The following CACNA2D3 variants were observed in gnomAD, a reference collection of about 807,000 sequenced individuals.
CACNA2D3 encodes calcium voltage-gated channel auxiliary subunit alpha2delta 3.
In CACNA2D3, 60 loss-of-function variants were observed where a neutral mutation model predicts 160.6. The ratio of observed to expected loss-of-function variants is 0.37; its 90% CI spans 0.30 to 0.46. The LOEUF is 0.46. Ranked by LOEUF, CACNA2D3 falls within the 20% of genes least tolerant of loss-of-function variation. CACNA2D3 has a pLI of 1.00. For missense variants in CACNA2D3, 1,205 were observed against 1,365.0 expected (o/e 0.88, Z 1.85); for synonymous variants, 558 against 492.9 (o/e 1.13, Z -1.75).
intron 2 of CACNA2D3, among the ~76,000 whole-genome samples, chr3:54,276,588 A>AAAAG (rs1553775461): frequency 1.1e-4 from 14 of 127,812 alleles, no homozygotes; most frequent in African/African-American, 3.6e-4. Context: ...AAAAAAAAAA[A>AAAAG]AAGAAGAAGA....
chr3:54,729,246 A>G (rs1017159093), intron 11 of CACNA2D3, among the ~76,000 whole-genome samples: 1 of 152,132 alleles, frequency 6.6e-6, no homozygotes, highest in African/African-American at 2.4e-5. Context: ...TTAATTGGCA[A>G]ATGCTATGAG....
intron 35 of CACNA2D3, among the ~76,000 whole-genome samples, chr3:55,039,858 A>G (rs1703920166): frequency 6.6e-6 from 1 of 152,218 alleles, no homozygotes; most frequent in Non-Finnish European, 1.5e-5. Context: ...GAGACAATAA[A>G]TCAAGTGCTC....
At chr3:54,883,568 A>G (rs1328687678) in intron 21 of CACNA2D3, among the ~76,000 whole-genome samples, 2 of 152,276 alleles carry the variant, frequency 1.3e-5, no homozygotes, top group East Asian at 3.9e-4. Context: ...CCTGTGAAAT[A>G]GAGCCAGAGA....
intron 4 of CACNA2D3, among the ~76,000 whole-genome samples, chr3:54,433,595 T>C (rs960381246): frequency 2.0e-5 from 3 of 152,170 alleles, no homozygotes; most frequent in Admixed American, 6.5e-5. Flanking sequence ...TAAAAACATT[T>C]AGATATCACA....
chr3:54,805,471 C>A (rs1481273946), intron 13 of CACNA2D3, among the ~76,000 whole-genome samples: 1 of 152,110 alleles, frequency 6.6e-6, no homozygotes, highest in Non-Finnish European at 1.5e-5. Flanking sequence ...ATAAATTCCT[C>A]AACACATACA....
intron 9 of CACNA2D3, among the ~76,000 whole-genome samples, chr3:54,601,850 T>G (rs1703065513): frequency 6.6e-6 from 1 of 152,082 alleles, no homozygotes; most frequent in Non-Finnish European, 1.5e-5. Flanking sequence ...CTAAACATGT[T>G]TATTTTTTGC....
rs147133131 is a variant in CACNA2D3, at chr3:54,694,342, T to A, written c.1167+52101T>A. Among the ~76,000 whole-genome samples the A allele has an allele frequency of 2.8e-4, 43 of 152,360 alleles. No individual in the cohort carries two copies. In the East Asian group the frequency reaches 6.2e-3, roughly 22 times the overall value. On this transcript the variant is annotated intron_variant, in intron 11 of 37. Transcript: ENST00000474759. ...GGCTATGCTATGTACACACTCTAGGTGTGTGTAAATACACTCTATGGTGTT... is the reference window on the plus strand; with the variant it reads ...GGCTATGCTATGTACACACTCTAGGAGTGTGTAAATACACTCTATGGTGTT...
chr3:54,279,299 A>G (rs761511320), intron 2 of CACNA2D3, among the ~76,000 whole-genome samples: 1 of 151,978 alleles, frequency 6.6e-6, no homozygotes, highest in Admixed American at 6.6e-5. Context: ...CCTTTCTACC[A>G]CTCATGGCTG....
chr3:54,622,491 G>A (rs780688587), intron 9 of CACNA2D3, among the ~76,000 whole-genome samples: 1 of 152,048 alleles, frequency 6.6e-6, no homozygotes, highest in Non-Finnish European at 1.5e-5. Context: ...TAGCCAGGAC[G>A]GTTGCGATCT....
chr3:54,253,610 G>A (rs1467954229), intron 2 of CACNA2D3, among the ~76,000 whole-genome samples: 1 of 152,110 alleles, frequency 6.6e-6, no homozygotes, highest in Non-Finnish European at 1.5e-5. Flanking sequence ...TGAGATTTGG[G>A]TGGGACACAG....
rs140051282 is a variant in CACNA2D3, at chr3:54,464,562, G to T, written c.382-38930G>T. 3.9e-3 allele frequency among the ~76,000 whole-genome samples: 590 copies of T among 152,282 alleles called. 4 individuals are homozygous for T. Among genetic ancestry groups the T allele is most frequent in the African/African-American group, 0.013 (557 of 41,588 alleles). ...TAGCAATCAGCAAGACTCCGTGGGCGTAGGACCCTCCGAGCCAAGTGCGGG... is the reference window on the plus strand; with the variant it reads ...TAGCAATCAGCAAGACTCCGTGGGCTTAGGACCCTCCGAGCCAAGTGCGGG... On this transcript the variant is annotated intron_variant, in intron 4 of 37. Transcript: ENST00000474759.
intron 11 of CACNA2D3, among the ~76,000 whole-genome samples, chr3:54,714,116 GTCT>G: frequency 6.6e-6 from 1 of 152,060 alleles, no homozygotes; most frequent in East Asian, 1.9e-4. Flanking sequence ...GTTATATCTT[GTCT>G]TGGGTTGTTT....
At chr3:54,603,192 G>C (rs970603235) in intron 9 of CACNA2D3, among the ~76,000 whole-genome samples, 1 of 152,206 alleles carries the variant, frequency 6.6e-6, no homozygotes, top group Non-Finnish European at 1.5e-5. Flanking sequence ...GGCGCTGGCC[G>C]TGCAGCCCGC....
chr3:54,497,034 A>C (rs2106932903), intron 4 of CACNA2D3, among the ~76,000 whole-genome samples: 1 of 152,296 alleles, frequency 6.6e-6, no homozygotes, highest in Admixed American at 6.5e-5. Context: ...GCCCAAAATC[A>C]GAAAATGTGA....
chr3:54,569,732 T>A (rs1263167871), intron 6 of CACNA2D3, 63 bp from the exon 7 acceptor site: 1 of 1,335,622 alleles, frequency 7.5e-7, no homozygotes, highest in Non-Finnish European at 1.1e-6. Context: ...TAGAGCAGCC[T>A]TGAAATGCTA....
chr3:54,202,403 A>G (rs1576995606), intron 2 of CACNA2D3, among the ~76,000 whole-genome samples: 2 of 152,340 alleles, frequency 1.3e-5, no homozygotes, highest in South Asian at 2.1e-4. Flanking sequence ...ATCCAGCCCC[A>G]AGTCCCAGTT....
At chr3:54,902,077 G>A (rs967459930) in intron 27 of CACNA2D3, among the ~76,000 whole-genome samples, 3 of 152,220 alleles carry the variant, frequency 2.0e-5, no homozygotes, top group Non-Finnish European at 2.9e-5. Flanking sequence ...TCTCCCATCA[G>A]TGTGCCCCAA....
intron 2 of CACNA2D3, among the ~76,000 whole-genome samples, chr3:54,228,128 C>T (rs546713198): frequency 5.1e-4 from 78 of 152,268 alleles, no homozygotes; most frequent in African/African-American, 1.8e-3. Flanking sequence ...TGCCTTGTAG[C>T]TTAGACACTA....
rs146625409 is a variant in CACNA2D3 at position 54,276,386 on chromosome 3, C to T, written c.205-44056C>T. Among the ~76,000 whole-genome samples the T allele has an allele frequency of 9.8e-3, 1,495 of 152,092 alleles. 32 individuals are homozygous for T. Among genetic ancestry groups the T allele is most frequent in the African/African-American group, 0.034 (1,429 of 41,494 alleles). ...GAGTTCAAGACCAGCCTGGCCACCA[C>T]GGCGAAACCCTGTCTCTACTAAAAA... On this transcript the variant is annotated intron_variant, in intron 2 of 37. Transcript: ENST00000474759.
Sources: allele counts gnomAD v4.1 joint callset (sites outside exome capture counted in the v4.1 genomes callset), GRCh38; gene constraint gnomAD v4.1.1; transcripts MANE v1.5; gene names NCBI Gene and HGNC (gene_info 2026-07-23, HGNC 2026-07-21).